CELF4: variants seen among roughly 807,000 people sequenced by gnomAD.
CELF4 encodes the protein CUGBP Elav-like family member 4.
In CELF4, 18 loss-of-function variants were observed where a neutral mutation model predicts 59.9. The observed-to-expected ratio is 0.30, with a 90% CI of 0.21 to 0.45. The LOEUF (loss-of-function observed/expected upper bound fraction) is 0.45, where lower values mean the gene tolerates loss of function less well. CELF4 is among the 20% of genes least tolerant of loss of function. CELF4 has a pLI of 1.00. For synonymous variants in CELF4, 261 were observed against 267.1 expected (o/e 0.98, Z 0.22); for missense variants, 456 against 689.0 (o/e 0.66, Z 3.79).
intron 2 of CELF4, among the ~76,000 whole-genome samples, chr18:37,391,191 T>A (rs1164761191): frequency 6.6e-6 from 1 of 152,022 alleles, no homozygotes; most frequent in African/African-American, 2.4e-5. Flanking sequence ...GAGAGAAGCC[T>A]CTTGGTGAAA....
At chr18:37,362,262 G>T (rs535011722) in intron 2 of CELF4, among the ~76,000 whole-genome samples, 80 of 150,558 alleles carry the variant, frequency 5.3e-4, no homozygotes, top group Non-Finnish European at 8.7e-4. Context: ...TAGCTCTGAG[G>T]TTTGTTTGTT....
At chr18:37,274,740 G>T (rs762086455) in intron 5 of CELF4, 65 bp downstream of exon 5, 33 of 1,510,710 alleles carry the variant, frequency 2.2e-5, no homozygotes, top group Non-Finnish European at 2.7e-5. Flanking sequence ...CCGGCGGGGC[G>T]TGGCGGGTGC....
chr18:37,361,324 G>T (rs914979846), intron 2 of CELF4, among the ~76,000 whole-genome samples: 2 of 152,174 alleles, frequency 1.3e-5, no homozygotes, highest in African/African-American at 4.8e-5. Flanking sequence ...TTTTGGTTGT[G>T]CCTGTGGCTC....
At chr18:37,280,849 C>T (rs1484178490) in intron 3 of CELF4, among the ~76,000 whole-genome samples, 1 of 152,216 alleles carries the variant, frequency 6.6e-6, no homozygotes, top group African/African-American at 2.4e-5. Context: ...CCTCTGACTT[C>T]AGGACTCTTT....
At chr18:37,506,921 A>C (rs1475402421) in intron 1 of CELF4, among the ~76,000 whole-genome samples, 2 of 152,152 alleles carry the variant, frequency 1.3e-5, no homozygotes, top group African/African-American at 4.8e-5. Context: ...GAAGGGGGTC[A>C]GGCACCCTCG....
At position 37,243,661 on chromosome 18, in the gene CELF4, G is replaced by A. The variant is rs962712561; in HGVS notation, c.*1581C>T. The A allele has an allele frequency of 6.6e-6, 1 of 152,132 alleles. No individual in the cohort carries two copies. The highest frequency in any genetic ancestry group is 1.5e-5 in the Non-Finnish European group (1 of 68,108). 9.4% of individuals were successfully genotyped at this position (152,132 alleles called of 1,614,324 possible). On this transcript the variant is annotated 3_prime_UTR_variant, in exon 13 of 13. Transcript: ENST00000420428. ...AATTTATTTACAGAAAAACAGAGCCGGCATCATTTAAACATCCCTGTTTTT... is the reference window on the plus strand; with the variant it reads ...AATTTATTTACAGAAAAACAGAGCCAGCATCATTTAAACATCCCTGTTTTT...
chr18:37,505,554 C>T (rs1297010843), intron 1 of CELF4, among the ~76,000 whole-genome samples: 2 of 152,104 alleles, frequency 1.3e-5, no homozygotes, highest in East Asian at 3.9e-4. Flanking sequence ...CCAAGTCCTT[C>T]CTGCCTAAGG....
chr18:37,392,451 T>TCTGACCG (rs953445049), intron 2 of CELF4, among the ~76,000 whole-genome samples: 9 of 152,190 alleles, frequency 5.9e-5, no homozygotes, highest in African/African-American at 1.9e-4. Context: ...TCACACTGGA[T>TCTGACCG]CTGACCGCTG....
At chr18:37,361,834 G>C (rs945048977) in intron 2 of CELF4, among the ~76,000 whole-genome samples, 2 of 141,726 alleles carry the variant, frequency 1.4e-5, no homozygotes, top group Admixed American at 1.4e-4. Flanking sequence ...CATTCTAGTG[G>C]CAGCCCCTGC....
chr18:37,373,949 G>A (rs1023665418), intron 2 of CELF4, among the ~76,000 whole-genome samples: 5 of 152,216 alleles, frequency 3.3e-5, no homozygotes, highest in African/African-American at 1.2e-4. Context: ...TGCTTTAATC[G>A]AATAATGATA....
chr18:37,518,053 G>A (rs568686675), intron 1 of CELF4, among the ~76,000 whole-genome samples: 2 of 152,152 alleles, frequency 1.3e-5, no homozygotes, highest in Non-Finnish European at 2.9e-5. Flanking sequence ...GCTGGTGGGT[G>A]GCACTGGGCC....
At chr18:37,553,384 T>C (rs2099983840) in intron 1 of CELF4, among the ~76,000 whole-genome samples, 1 of 152,092 alleles carries the variant, frequency 6.6e-6, no homozygotes, top group Admixed American at 6.6e-5. Flanking sequence ...ACACGTAGCA[T>C]ATGAGTGTGC....
At chr18:37,496,003 T>A (rs1412681858) in intron 1 of CELF4, among the ~76,000 whole-genome samples, 7 of 152,064 alleles carry the variant, frequency 4.6e-5, no homozygotes, top group Admixed American at 4.6e-4. Flanking sequence ...AGCCAAGCCA[T>A]GCCTCCCTCC....
chr18:37,311,187 C>T (rs1418767867), intron 3 of CELF4, among the ~76,000 whole-genome samples: 1 of 152,186 alleles, frequency 6.6e-6, no homozygotes, highest in African/African-American at 2.4e-5. Flanking sequence ...GATCAATCAA[C>T]ACCCCCTCCC....
intron 2 of CELF4, among the ~76,000 whole-genome samples, chr18:37,412,110 T>G (rs373848334): frequency 6.6e-6 from 1 of 152,206 alleles, no homozygotes; most frequent in Non-Finnish European, 1.5e-5. Flanking sequence ...CCGTCCAGAT[T>G]TGAATTTAAC....
intron 2 of CELF4, among the ~76,000 whole-genome samples, chr18:37,342,233 G>GCACACACA (rs56845978): frequency 0.013 from 1,919 of 146,128 alleles, 16 homozygotes; most frequent in Middle Eastern, 0.029. Flanking sequence ...AACAGCACAT[G>GCACACACA]CACACACACA....
chr18:37,483,620 G>T (rs1038047272), intron 2 of CELF4, among the ~76,000 whole-genome samples: 5 of 152,178 alleles, frequency 3.3e-5, no homozygotes, highest in Non-Finnish European at 7.3e-5. Context: ...CAGTATGAAG[G>T]ATTAGCACAG....
intron 1 of CELF4, among the ~76,000 whole-genome samples, chr18:37,522,105 C>T (rs936506600): frequency 2.7e-5 from 4 of 150,152 alleles, no homozygotes; most frequent in African/African-American, 1.0e-4. Context: ...TTCTGGTGGA[C>T]ATGCGAAGGT....
chr18:37,396,825 T>TCCTC (rs1438314449), intron 2 of CELF4, among the ~76,000 whole-genome samples: 5 of 152,150 alleles, frequency 3.3e-5, no homozygotes, highest in Non-Finnish European at 5.9e-5. Flanking sequence ...CCACGTGTGT[T>TCCTC]CCTCCCAGAC....
Sources: gnomAD v4.1 joint callset for allele counts (sites outside exome capture counted in the v4.1 genomes callset) on GRCh38, gnomAD v4.1.1 for gene constraint, MANE v1.5 for transcripts, NCBI Gene and HGNC (gene_info 2026-07-23, HGNC 2026-07-21) for gene names.